The following C21orf58 variants were observed in gnomAD, a reference collection of about 807,000 sequenced individuals.
C21orf58 encodes uncharacterized protein C21orf58.
In C21orf58, 34 loss-of-function variants were observed where a neutral mutation model predicts 35.8. The ratio of observed to expected loss-of-function variants is 0.95; its 90% CI spans 0.72 to 1.26. C21orf58 has a LOEUF of 1.26. Among genes scored for constraint, C21orf58 ranks in the 50% most tolerant of loss-of-function variants. C21orf58 has a pLI of 0.00. For synonymous variants in C21orf58, 191 were observed against 175.8 expected (o/e 1.09, Z -0.68); for missense variants, 440 against 414.3 (o/e 1.06, Z -0.54).
At position 46,318,174 on chromosome 21, in the gene C21orf58, A is replaced by C. The variant is rs1262857526; in HGVS notation, c.147T>G (p.Ala49=). The change falls in exon 2 of 8, where the codon GCT becomes GCG. Residue 49 remains alanine (A), a synonymous_variant. Transcript: ENST00000291691. ...GAAAGAACTGCTCAGCAGGAGCCCAAGCACCGGTGTTGCCTGCAGGGCGGG... is the reference window on the plus strand; with the variant it reads ...GAAAGAACTGCTCAGCAGGAGCCCACGCACCGGTGTTGCCTGCAGGGCGGG... ...GKARPAGNTG[A]WAPAEQFFPA... 3 of 1,613,012 alleles carry C rather than the reference A, an allele frequency of 1.9e-6. No homozygotes were observed. The South Asian group carries it at 3.3e-5, about 18-fold the overall frequency.
chr21:46,300,547 G>C, downstream of C21orf58: 2 of 740,850 alleles, frequency 2.7e-6, no homozygotes, highest in Non-Finnish European at 1.8e-6. Flanking sequence ...AGAGTCTCTG[G>C]AATCACCTTC....
chr21:46,315,925 G>C (rs2082959801), intron 3 of C21orf58, among the ~76,000 whole-genome samples: 1 of 152,118 alleles, frequency 6.6e-6, no homozygotes, highest in South Asian at 2.1e-4. Flanking sequence ...TGGCCACCTG[G>C]AGCCACCCTC....
intron 5 of C21orf58, chr21:46,313,168 G>A (rs533993850): frequency 8.2e-6 from 4 of 488,514 alleles, no homozygotes; most frequent in African/African-American, 2.1e-5. Flanking sequence ...AAGCAGCTAC[G>A]GACAATGTGG....
At chr21:46,305,784 A>G (rs1197798924) in intron 6 of C21orf58, among the ~76,000 whole-genome samples, 2 of 151,280 alleles carry the variant, frequency 1.3e-5, no homozygotes, top group Non-Finnish European at 3.0e-5. Flanking sequence ...CTAAAAATAC[A>G]AAAAAAAATT....
intron 4 of C21orf58, 99 bp downstream of exon 4, chr21:46,315,375 G>A (rs1460818592): frequency 2.1e-5 from 17 of 790,762 alleles, no homozygotes; most frequent in Non-Finnish European, 3.6e-5. Context: ...AGTCTGGAAA[G>A]GTCTTCCCTA....
chr21:46,317,864 A>G (rs554509046), intron 2 of C21orf58, 148 bp downstream of exon 2: 1 of 809,226 alleles, frequency 1.2e-6, no homozygotes, highest in South Asian at 1.8e-5. Flanking sequence ...GTGAAGACTA[A>G]GTCTGAGGAT....
intron 5 of C21orf58, 49 bp from the exon 6 acceptor site, chr21:46,311,616 T>C (rs2082692688): frequency 2.6e-6 from 3 of 1,167,708 alleles, no homozygotes; most frequent in African/African-American, 1.5e-5. Flanking sequence ...TTGAAGAAAG[T>C]GTCTCCAGTA....
At position 46,303,830 on chromosome 21, in the gene C21orf58, C is replaced by G. The variant is rs556591313; in HGVS notation, c.722-1254G>C. On this transcript the variant is annotated intron_variant, in intron 6 of 7. Transcript: ENST00000291691. ...GCAGTGGTGCGATCTCGACTCACTGCAAGCTCCGCCTCCTGGGTTCACGCC... is the reference window on the plus strand; with the variant it reads ...GCAGTGGTGCGATCTCGACTCACTGGAAGCTCCGCCTCCTGGGTTCACGCC... 2.8e-5 allele frequency among the ~76,000 whole-genome samples: 4 copies of G among 140,858 alleles called. No individual in the cohort carries two copies. The South Asian group carries it at 9.2e-4, about 33-fold the overall frequency. 92.4% of individuals were successfully genotyped at this position (140,858 alleles called of 152,430 possible). A position where few individuals can be genotyped will look rare whatever the true frequency, so the allele number is the denominator to read the frequency against.
intron 6 of C21orf58, among the ~76,000 whole-genome samples, chr21:46,308,341 A>G (rs2082518570): frequency 6.6e-6 from 1 of 151,812 alleles, no homozygotes; most frequent in East Asian, 2.0e-4. Flanking sequence ...CATGCCTGTA[A>G]TCCCAGCTGC....
intron 6 of C21orf58, among the ~76,000 whole-genome samples, chr21:46,309,326 G>C (rs2082563417): frequency 1.3e-5 from 2 of 152,092 alleles, no homozygotes; most frequent in African/African-American, 4.8e-5. Flanking sequence ...GCCAGGCATG[G>C]TGGCAGGCGC....
intron 6 of C21orf58, among the ~76,000 whole-genome samples, chr21:46,304,020 GTTTTTTTTTTT>G (rs34586952): frequency 2.2e-5 from 1 of 44,566 alleles, no homozygotes; most frequent in Non-Finnish European, 4.3e-5. Flanking sequence ...CAAAGTGCTG[GTTTTTTTTTTT>G]TTTTTTTTTT....
At chr21:46,319,929 T>C (rs995923834) in intron 1 of C21orf58, among the ~76,000 whole-genome samples, 10 of 151,544 alleles carry the variant, frequency 6.6e-5, no homozygotes, top group African/African-American at 1.7e-4. Flanking sequence ...AAAAAATAAA[T>C]AAACAAGATA....
chr21:46,302,213 C>A (rs563229430), intron 7 of C21orf58, 59 bp from the exon 8 acceptor site: 1 of 1,433,528 alleles, frequency 7.0e-7, no homozygotes, highest in Non-Finnish European at 9.1e-7. Context: ...ACCTCCACTC[C>A]CGCCCTGTTC....
chr21:46,300,903 A>C, downstream of C21orf58: 1 of 945,028 alleles, frequency 1.1e-6, no homozygotes, highest in Non-Finnish European at 1.4e-6. Context: ...ACAAAAAGTA[A>C]AGAAAAGAAA....
rs1354188460 is a variant in C21orf58 at position 46,302,509 on chromosome 21, G to T, written c.789C>A (p.Leu263=). Residue 263 remains leucine, a synonymous_variant, in exon 7 of 8, where the codon CTC becomes CTA. Coordinates refer to ENST00000291691, the MANE Select transcript of C21orf58 (RefSeq NM_058180.5). ...CCTGCAGGGCTGGGGGCAGGGCCTT[G>T]AGCATCCAGTTCTGCAGGACCAACT... ...VHQLVLQNWM[L]KALPPALQDP... 4 of 1,611,942 alleles carry T rather than the reference G, an allele frequency of 2.5e-6. No individual in the cohort carries two copies. The East Asian group carries it at 8.9e-5, about 36-fold the overall frequency.
At chr21:46,303,705 CAAAA>C (rs2082234732) in intron 6 of C21orf58, among the ~76,000 whole-genome samples, 8 of 37,600 alleles carry the variant, frequency 2.1e-4, no homozygotes, top group Non-Finnish European at 2.9e-4. Context: ...CACACACACA[CAAAA>C]TATATATATA....
intron 1 of C21orf58, chr21:46,319,084 T>G (rs1262676938): frequency 2.0e-5 from 3 of 152,438 alleles, no homozygotes; most frequent in Non-Finnish European, 4.4e-5. Flanking sequence ...CATCAGTATC[T>G]ATGGTTGTGT....
intron 5 of C21orf58, among the ~76,000 whole-genome samples, chr21:46,312,285 C>T (rs540571262): frequency 1.3e-5 from 2 of 152,258 alleles, no homozygotes; most frequent in Non-Finnish European, 2.9e-5. Flanking sequence ...TCCACCAATT[C>T]TGCTTTAATA....
At chr21:46,302,312 C>G (rs1221007022) in intron 7 of C21orf58, among the ~76,000 whole-genome samples, 158 bp from the exon 8 acceptor site, 1 of 152,216 alleles carries the variant, frequency 6.6e-6, no homozygotes, top group Non-Finnish European at 1.5e-5. Flanking sequence ...CCAAATTGTG[C>G]AACCCATTCC....
Sources: gnomAD v4.1 joint callset for allele counts (sites outside exome capture counted in the v4.1 genomes callset) on GRCh38, gnomAD v4.1.1 for gene constraint, MANE v1.5 for transcripts, NCBI Gene and HGNC (gene_info 2026-07-23, HGNC 2026-07-21) for gene names.